Variants in GBE1 observed in about 807,000 individuals in gnomAD.
GBE1 encodes 1,4-alpha-glucan-branching enzyme.
A neutral mutation model predicts 88.8 loss-of-function variants in GBE1; 70 were observed. The ratio of observed to expected loss-of-function variants is 0.79; its 90% confidence interval spans 0.65 to 0.96. The LOEUF is 0.96. Ranked by LOEUF, GBE1 falls within the 40% of genes least tolerant of loss-of-function variation. GBE1 has a pLI of 0.00. For synonymous variants in GBE1, 284 were observed against 300.1 expected (o/e 0.95, Z 0.56); for missense variants, 872 against 871.0 (o/e 1.00, Z -0.01).
intron 3 of GBE1, among the ~76,000 whole-genome samples, chr3:81,652,327 G>C (rs939125741): frequency 1.3e-5 from 2 of 152,158 alleles, no homozygotes; most frequent in African/African-American, 4.8e-5. Flanking sequence ...GGCCAGAATC[G>C]ACAATATGGT....
At chr3:81,695,924 G>A (rs1285621111) in intron 2 of GBE1, among the ~76,000 whole-genome samples, 1 of 152,106 alleles carries the variant, frequency 6.6e-6, no homozygotes, top group East Asian at 1.9e-4. Flanking sequence ...TTTTTCAGGA[G>A]TCCCTAATGA....
chr3:81,750,613 A>ATGTATATATATG (rs1706502754), intron 1 of GBE1, among the ~76,000 whole-genome samples: 1 of 76,466 alleles, frequency 1.3e-5, no homozygotes, highest in African/African-American at 8.0e-5. Flanking sequence ...GTATATATAT[A>ATGTATATATATG]TATGTATATA....
chr3:81,605,656 C>T (rs1038533527), intron 7 of GBE1, among the ~76,000 whole-genome samples: 3 of 152,028 alleles, frequency 2.0e-5, no homozygotes, highest in Non-Finnish European at 4.4e-5. Context: ...CCCTCAATAA[C>T]CCTCAAAGGT....
At chr3:81,721,687 A>T (rs1292229881) in intron 1 of GBE1, among the ~76,000 whole-genome samples, 1 of 152,188 alleles carries the variant, frequency 6.6e-6, no homozygotes, top group Non-Finnish European at 1.5e-5. Context: ...GTTTAAAATT[A>T]TGTCCTCAGC....
In GBE1 at chr3:81,577,209, T is replaced by C. The variant is rs1026337111; in HGVS notation, c.1618+716A>G. 5.3e-5 allele frequency among the ~76,000 whole-genome samples: 8 copies of C among 152,094 alleles called. No individual in the cohort carries two copies. In the East Asian group the frequency reaches 1.2e-3, roughly 22 times the overall value. ...CTCCTCCCTCAGCCTCCCAAAGGAA[T>C]CAGATTAAAGGTGTGAGGCACCACC... On this transcript the variant is annotated intron_variant, in intron 12 of 15. Transcript: ENST00000429644.
chr3:81,571,044 G>C (rs947641208), intron 12 of GBE1, among the ~76,000 whole-genome samples: 5 of 152,034 alleles, frequency 3.3e-5, no homozygotes, highest in Non-Finnish European at 7.4e-5. Flanking sequence ...AACAGGAAAA[G>C]CAACATATTA....
chr3:81,501,070 A>G (rs1702579980), intron 14 of GBE1, among the ~76,000 whole-genome samples: 1 of 152,178 alleles, frequency 6.6e-6, no homozygotes, highest in Non-Finnish European at 1.5e-5. Context: ...CAGTTTGCCC[A>G]GTAACAAACC....
At chr3:81,561,134 A>AG (rs1187049624) in intron 12 of GBE1, among the ~76,000 whole-genome samples, 3 of 152,014 alleles carry the variant, frequency 2.0e-5, no homozygotes, top group Non-Finnish European at 4.4e-5. Flanking sequence ...ACAAACACCA[A>AG]ATTAAAAAAA....
intron 8 of GBE1, among the ~76,000 whole-genome samples, chr3:81,593,638 C>A (rs968752808): frequency 6.6e-6 from 1 of 151,918 alleles, no homozygotes; most frequent in Non-Finnish European, 1.5e-5. Flanking sequence ...CTGTAGTGTT[C>A]ACATCCTGAG....
chr3:81,511,509 G>T (rs1324041231), intron 14 of GBE1, among the ~76,000 whole-genome samples: 2 of 151,678 alleles, frequency 1.3e-5, no homozygotes, highest in Non-Finnish European at 2.9e-5. Context: ...AACCCCATTA[G>T]AAAATGGGCA....
intron 1 of GBE1, among the ~76,000 whole-genome samples, chr3:81,722,575 T>C (rs1164656950): frequency 6.6e-6 from 1 of 151,884 alleles, no homozygotes; most frequent in Non-Finnish European, 1.5e-5. Flanking sequence ...AATCAAATTG[T>C]CTACTTTAAG....
rs189284279 is a variant in GBE1 at position 81,565,987 on chromosome 3, T to G, written c.1618+11938A>C. Among the ~76,000 whole-genome samples the G allele has an allele frequency of 2.8e-3, 431 of 152,326 alleles. 3 individuals carry two copies. The highest frequency in any genetic ancestry group is 4.1e-3 in the Non-Finnish European group (278 of 68,030). On this transcript the variant is annotated intron_variant, in intron 12 of 15. Transcript: ENST00000429644. ...CTTTATTTACTGATGAAAATATATT[T>G]TAGAAAGCTTCTCAATAATACCCAG...
At chr3:81,527,012 C>T (rs1023244040) in intron 14 of GBE1, among the ~76,000 whole-genome samples, 1 of 151,870 alleles carries the variant, frequency 6.6e-6, no homozygotes, top group African/African-American at 2.4e-5. Flanking sequence ...GTACTGGTAC[C>T]AAAACAGAGA....
intron 1 of GBE1, among the ~76,000 whole-genome samples, chr3:81,724,721 T>C (rs1706083170): frequency 6.6e-6 from 1 of 151,894 alleles, no homozygotes. Flanking sequence ...AAAAGAAATT[T>C]CATTCACCAA....
chr3:81,495,731 T>C (rs1016905920), intron 15 of GBE1, among the ~76,000 whole-genome samples: 66 of 152,196 alleles, frequency 4.3e-4, no homozygotes, highest in Non-Finnish European at 4.4e-4. Context: ...ATTTTCATAA[T>C]TTTGAATAGA....
At position 81,694,670 on chromosome 3, in the gene GBE1, T is replaced by C. The variant is rs185111636; in HGVS notation, c.313+10774A>G. Among the ~76,000 whole-genome samples, 8 of 152,228 alleles carry C rather than the reference T, an allele frequency of 5.3e-5. No individual in the cohort carries two copies. In the East Asian group the frequency reaches 1.2e-3, roughly 22 times the overall value. On this transcript the variant is annotated intron_variant, in intron 2 of 15. Transcript: ENST00000429644. ...AGGAAATGACCAACACAGCAAAATA[T>C]TGAATTTGGTAAGAGCATCAATAAC...
chr3:81,756,567 A>AC (rs1706604779), intron 1 of GBE1, among the ~76,000 whole-genome samples: 1 of 152,218 alleles, frequency 6.6e-6, no homozygotes, highest in Non-Finnish European at 1.5e-5. Flanking sequence ...CAAAGAGTAG[A>AC]AAGACAACTG....
chr3:81,585,987 CAATTAT>C (rs1703798416), intron 10 of GBE1, 99 bp downstream of exon 10: 5 of 635,864 alleles, frequency 7.9e-6, no homozygotes. Flanking sequence ...TTTAATACTT[CAATTAT>C]AATATCTGTA....
chr3:81,714,440 T>C (rs182611604), intron 1 of GBE1, among the ~76,000 whole-genome samples: 2 of 152,316 alleles, frequency 1.3e-5, no homozygotes, highest in East Asian at 1.9e-4. Context: ...TAGCACAATA[T>C]CTTTCATGTG....
Sources: gnomAD v4.1 joint callset for allele counts (sites outside exome capture counted in the v4.1 genomes callset) on GRCh38, gnomAD v4.1.1 for gene constraint, MANE v1.5 for transcripts, NCBI Gene and HGNC (gene_info 2026-07-23, HGNC 2026-07-21) for gene names.